Variants in KIF6 observed in about 807,000 individuals in gnomAD.
KIF6 encodes kinesin-like protein KIF6.
A neutral mutation model predicts 112.7 loss-of-function variants in KIF6; 106 were observed. The observed-to-expected ratio is 0.94, with a 90% CI of 0.80 to 1.11. KIF6 has a LOEUF of 1.11. Ranked by LOEUF, KIF6 falls within the 50% of genes least tolerant of loss-of-function variation. The pLI is 0.00. For synonymous variants in KIF6, 339 were observed against 339.9 expected, an observed-to-expected ratio of 1.00 and a Z score of 0.03; for missense variants, 929 against 964.0, an observed-to-expected ratio of 0.96 and a Z score of 0.48.
intron 13 of KIF6, among the ~76,000 whole-genome samples, chr6:39,489,439 T>G (rs1469015914): frequency 1.3e-5 from 2 of 152,138 alleles, no homozygotes; most frequent in Non-Finnish European, 2.9e-5. Flanking sequence ...TAATAAATCA[T>G]CTTGGGTTAC....
Position 39,622,148 on chromosome 6 carries a change from C to A in KIF6, c.510-8830G>T, listed in dbSNP as rs1292551895. Among the ~76,000 whole-genome samples the A allele has an allele frequency of 4.2e-5, 6 of 144,072 alleles. No individual in the cohort carries two copies. In the East Asian group the frequency reaches 1.2e-3, roughly 29 times the overall value. The allele number at this position is 144,072 out of a possible 152,430, so 94.5% of individuals were successfully genotyped here. ...CACCACTGCACTCCAGCCTGGGCAA[C>A]AAAAGCGAAAATCCAGCTCAAAAAA... On this transcript the variant is annotated intron_variant, in intron 5 of 22. Coordinates refer to ENST00000287152, the MANE Select transcript of KIF6 (RefSeq NM_145027.6).
intron 13 of KIF6, among the ~76,000 whole-genome samples, chr6:39,515,554 A>G (rs1040529817): frequency 6.6e-6 from 1 of 152,214 alleles, no homozygotes; most frequent in African/African-American, 2.4e-5. Context: ...GATTCTTATC[A>G]TTAAAACTTT....
chr6:39,679,248 C>T (rs1383718057), intron 3 of KIF6, among the ~76,000 whole-genome samples: 2 of 152,230 alleles, frequency 1.3e-5, no homozygotes, highest in African/African-American at 2.4e-5. Flanking sequence ...CATGAATTCA[C>T]ATGGCCAAAT....
intron 3 of KIF6, among the ~76,000 whole-genome samples, chr6:39,689,000 C>G (rs1374833175): frequency 6.6e-6 from 1 of 151,992 alleles, no homozygotes; most frequent in Non-Finnish European, 1.5e-5. Flanking sequence ...TATTTGTAGT[C>G]CCAGTTATTT....
At chr6:39,636,378 C>A (rs1173202491) in intron 4 of KIF6, among the ~76,000 whole-genome samples, 1 of 151,844 alleles carries the variant, frequency 6.6e-6, no homozygotes, top group African/African-American at 2.4e-5. Flanking sequence ...TGACATGGAC[C>A]GAATTACCAA....
At position 39,540,139 on chromosome 6, in the gene KIF6, G is replaced by A. The variant is rs1210408408; in HGVS notation, c.1509C>T (p.Phe503=). 1.2e-6 allele frequency: 2 copies of A among 1,614,032 alleles called. No homozygotes were observed. The highest frequency in any genetic ancestry group is 1.7e-6 in the Non-Finnish European group (2 of 1,180,008). ...LHLAGMDRRE[F]RQSQSPPFRL... ...GGAAGGGTGGGCTCTGGGACTGTCT[G>A]AATTCACGTCTATCCATGCCAGCCA... Residue 503 remains phenylalanine (F), a synonymous_variant, in exon 13 of 23, where the codon TTC becomes TTT. Transcript: ENST00000287152.
At chr6:39,430,670 C>G (rs574158927) in intron 14 of KIF6, among the ~76,000 whole-genome samples, 2 of 152,308 alleles carry the variant, frequency 1.3e-5, no homozygotes, top group African/African-American at 4.8e-5. Context: ...GGACTGCTCT[C>G]CAGAACAGCT....
At chr6:39,705,466 C>T (rs924405167) in intron 3 of KIF6, among the ~76,000 whole-genome samples, 17 of 152,276 alleles carry the variant, frequency 1.1e-4, no homozygotes, top group Admixed American at 8.5e-4. Flanking sequence ...TGCATTTAAG[C>T]AATAAAGGGA....
intron 5 of KIF6, among the ~76,000 whole-genome samples, chr6:39,625,610 T>G (rs187324462): frequency 6.6e-6 from 1 of 152,246 alleles, no homozygotes; most frequent in East Asian, 1.9e-4. Context: ...GATCTATGCT[T>G]ATAGGCCTAG....
chr6:39,397,231 C>T (rs1260897437), intron 15 of KIF6, among the ~76,000 whole-genome samples: 1 of 152,122 alleles, frequency 6.6e-6, no homozygotes, highest in Non-Finnish European at 1.5e-5. Context: ...TTCCATATTC[C>T]GTTATAGTCA....
chr6:39,475,669 T>C (rs1357728646), intron 13 of KIF6, among the ~76,000 whole-genome samples: 2 of 152,162 alleles, frequency 1.3e-5, no homozygotes, highest in Non-Finnish European at 2.9e-5. Context: ...TTCATGTGAT[T>C]TTATATTCTG....
intron 15 of KIF6, among the ~76,000 whole-genome samples, chr6:39,391,655 G>A (rs1378941597): frequency 2.0e-5 from 3 of 152,128 alleles, no homozygotes; most frequent in Admixed American, 1.3e-4. Context: ...AACGTGTTTC[G>A]TTAAAAATGG....
chr6:39,483,898 T>C (rs981690893), intron 13 of KIF6, among the ~76,000 whole-genome samples: 1 of 152,208 alleles, frequency 6.6e-6, no homozygotes, highest in African/African-American at 2.4e-5. Flanking sequence ...AAAACATCTA[T>C]TGAATTCTGG....
At chr6:39,479,612 TA>T (rs1235423603) in intron 13 of KIF6, among the ~76,000 whole-genome samples, 2 of 152,084 alleles carry the variant, frequency 1.3e-5, no homozygotes, top group African/African-American at 4.8e-5. Flanking sequence ...ATTTTAGGAT[TA>T]TTTTTTCTAG....
intron 1 of KIF6, among the ~76,000 whole-genome samples, chr6:39,724,465 A>G (rs1217345103): frequency 6.6e-6 from 1 of 151,294 alleles, no homozygotes; most frequent in African/African-American, 2.5e-5. Flanking sequence ...AAAAAAAAAA[A>G]AAAAAAAAAG....
chr6:39,614,815 A>T (rs1269700425), intron 5 of KIF6, among the ~76,000 whole-genome samples: 3 of 152,180 alleles, frequency 2.0e-5, no homozygotes, highest in African/African-American at 7.2e-5. Flanking sequence ...TTCTATTTTT[A>T]AAAACTCCCT....
chr6:39,695,274 T>G (rs1788458980), intron 3 of KIF6, among the ~76,000 whole-genome samples: 1 of 152,130 alleles, frequency 6.6e-6, no homozygotes, highest in Admixed American at 6.6e-5. Context: ...ATTTATAACT[T>G]AAGTTCTCAA....
chr6:39,345,308 C>G (rs1160248137), intron 21 of KIF6, among the ~76,000 whole-genome samples: 1 of 152,222 alleles, frequency 6.6e-6, no homozygotes, highest in Non-Finnish European at 1.5e-5. Context: ...GATACAAATG[C>G]CCATGGTGCT....
intron 13 of KIF6, among the ~76,000 whole-genome samples, chr6:39,467,571 G>T (rs1211568926): frequency 6.6e-6 from 1 of 152,052 alleles, no homozygotes; most frequent in African/African-American, 2.4e-5. Flanking sequence ...CCAAGGCTAT[G>T]CCCTCTGAGG....
Sources: allele counts gnomAD v4.1 joint callset (sites outside exome capture counted in the v4.1 genomes callset), GRCh38; gene constraint gnomAD v4.1.1; transcripts MANE v1.5; gene names NCBI Gene and HGNC (gene_info 2026-07-23, HGNC 2026-07-21).